Variants in EXT2 observed in about 807,000 individuals in gnomAD.
EXT2 encodes exostosin glycosyltransferase 2.
EXT2 carries 53 observed loss-of-function variants against 81.6 expected under a neutral mutation model. That is an observed-to-expected ratio of 0.65 (90% CI 0.52 to 0.82). The LOEUF is 0.82. Ranked by LOEUF, EXT2 falls within the 40% of genes least tolerant of loss-of-function variation. The pLI is 0.00. For synonymous variants in EXT2, 320 were observed against 340.0 expected (o/e 0.94, Z 0.65); for missense variants, 774 against 910.2 (o/e 0.85, Z 1.93).
At chr11:44,180,855 A>G (rs1955224907) in intron 8 of EXT2, among the ~76,000 whole-genome samples, 1 of 152,212 alleles carries the variant, frequency 6.6e-6, no homozygotes, top group Admixed American at 6.5e-5. Context: ...TAATCCCAGC[A>G]CTGTGGGAGG....
intron 10 of EXT2, among the ~76,000 whole-genome samples, chr11:44,212,441 A>G (rs1431576660): frequency 1.3e-5 from 2 of 152,288 alleles, no homozygotes; most frequent in Middle Eastern, 3.4e-3. Flanking sequence ...ACATTGAGTT[A>G]CCACTATATC....
intron 7 of EXT2, among the ~76,000 whole-genome samples, chr11:44,170,996 A>G (rs1397036083): frequency 6.6e-6 from 1 of 152,224 alleles, no homozygotes; most frequent in Non-Finnish European, 1.5e-5. Context: ...ACCTCATTTT[A>G]TAAGGCCAGC....
chr11:44,111,034 G>C lies in EXT2; in HGVS notation c.626+1751G>C, dbSNP rs555647038. 7.9e-5 allele frequency among the ~76,000 whole-genome samples: 12 copies of C among 152,282 alleles called. No individual in the cohort carries two copies. In the East Asian group the frequency reaches 2.3e-3, roughly 29 times the overall value. On this transcript the variant is annotated intron_variant, in intron 3 of 13. Coordinates refer to ENST00000533608, the MANE Select transcript of EXT2 (RefSeq NM_207122.2). ...GAGGCAAGAACTGTGAATGCAGAAT[G>C]GTTTTACAGGAGCTGCATGTCAGAT... is the stretch of plus-strand genomic sequence containing the variant.
intron 8 of EXT2, among the ~76,000 whole-genome samples, chr11:44,184,480 G>C (rs1344345806): frequency 1.3e-5 from 2 of 152,124 alleles, no homozygotes; most frequent in South Asian, 4.1e-4. Context: ...GGCCGGGCGC[G>C]GTGGCTCACG....
At chr11:44,150,535 T>C (rs886515067) in intron 7 of EXT2, among the ~76,000 whole-genome samples, 1 of 152,198 alleles carries the variant, frequency 6.6e-6, no homozygotes, top group Non-Finnish European at 1.5e-5. Flanking sequence ...CAATATGTGT[T>C]CACTAAGGTG....
At chr11:44,179,357 G>C (rs1955202478) in intron 8 of EXT2, among the ~76,000 whole-genome samples, 1 of 152,222 alleles carries the variant, frequency 6.6e-6, no homozygotes, top group African/African-American at 2.4e-5. Flanking sequence ...CTTAGATGCA[G>C]TCCTGCCTTC....
chr11:44,203,756 A>G (rs1955548425), intron 9 of EXT2, among the ~76,000 whole-genome samples: 1 of 143,362 alleles, frequency 7.0e-6, no homozygotes, highest in South Asian at 2.3e-4. Context: ...CTGGCCAGGC[A>G]CTACTGGAGC....
rs138618517 is a variant in EXT2 at position 44,097,380 on chromosome 11, A to G, written c.-31+1528A>G. Reference sequence around the variant, plus strand: ...AAGAATCCTATCAAGTAAGGCAATGAATTGTGGCTTTTTTTGCTTTTGCTT... The same window carrying G: ...AAGAATCCTATCAAGTAAGGCAATGGATTGTGGCTTTTTTTGCTTTTGCTT... On this transcript the variant is annotated intron_variant, in intron 1 of 13. Coordinates refer to ENST00000533608, the MANE Select transcript of EXT2 (RefSeq NM_207122.2). Among the ~76,000 whole-genome samples the G allele has an allele frequency of 1.9e-4, 29 of 152,284 alleles. No homozygotes were observed. The East Asian group carries it at 5.6e-3, about 29-fold the overall frequency.
chr11:44,230,052 G>A (rs1955880642), intron 10 of EXT2, among the ~76,000 whole-genome samples: 1 of 152,234 alleles, frequency 6.6e-6, no homozygotes, highest in South Asian at 2.1e-4. Flanking sequence ...TGAGGTTGGA[G>A]GGGTGTAGCG....
chr11:44,129,213 T>G (rs1234238358), intron 6 of EXT2, among the ~76,000 whole-genome samples: 1 of 152,222 alleles, frequency 6.6e-6, no homozygotes, highest in Non-Finnish European at 1.5e-5. Context: ...TTTCCTGTAG[T>G]TTATTCTAAC....
chr11:44,187,234 A>G (rs1489184509), intron 8 of EXT2, among the ~76,000 whole-genome samples: 1 of 151,956 alleles, frequency 6.6e-6, no homozygotes, highest in Non-Finnish European at 1.5e-5. Flanking sequence ...GTAGAGTGCA[A>G]TGGCATGATC....
At chr11:44,242,340 G>A (rs1002930651) in intron 13 of EXT2, among the ~76,000 whole-genome samples, 3 of 152,234 alleles carry the variant, frequency 2.0e-5, no homozygotes, top group Middle Eastern at 6.8e-3. Flanking sequence ...GTTGTCCCAC[G>A]CTTGGTCCAC....
At chr11:44,227,319 G>A (rs1955848666) in intron 10 of EXT2, among the ~76,000 whole-genome samples, 1 of 152,230 alleles carries the variant, frequency 6.6e-6, no homozygotes, top group South Asian at 2.1e-4. Context: ...GTTAGATAAT[G>A]CAGCCCATGC....
At chr11:44,177,417 C>A (rs1955173811) in intron 8 of EXT2, among the ~76,000 whole-genome samples, 1 of 152,212 alleles carries the variant, frequency 6.6e-6, no homozygotes, top group Non-Finnish European at 1.5e-5. Context: ...TTCATCCGCA[C>A]ATCTGGGGCT....
rs75857897 is a variant in EXT2, at chr11:44,196,389, G to A, written c.1306-1440G>A. On this transcript the variant is annotated intron_variant, in intron 8 of 13. Transcript: ENST00000533608. ...AAATTCATGCCTCTTATATCTTAAC[G>A]TACTGAGAACTTCTTTAATTTCTTT... 4.8e-3 allele frequency among the ~76,000 whole-genome samples: 727 copies of A among 152,056 alleles called. 5 individuals carry two copies. Among genetic ancestry groups the A allele is most frequent in the East Asian group, 0.031 (158 of 5,180 alleles).
chr11:44,121,963 G>A (rs1435407538), intron 4 of EXT2, among the ~76,000 whole-genome samples: 1 of 152,036 alleles, frequency 6.6e-6, no homozygotes, highest in African/African-American at 2.4e-5. Flanking sequence ...TTCCACGTGC[G>A]CCTTCTTCCC....
At chr11:44,218,850 T>C (rs1249181738) in intron 10 of EXT2, among the ~76,000 whole-genome samples, 1 of 120,138 alleles carries the variant, frequency 8.3e-6, no homozygotes, top group African/African-American at 3.2e-5. Context: ...CAGGCTGGAA[T>C]GCAGTGGCAC....
Position 44,206,792 on chromosome 11 carries a change from G to T in EXT2, c.1496-1G>T, listed in dbSNP as rs968941427. ...AGTAAATACCTTTTCTCTTTTTCCA[G>T]ATTCTCTCTGGCCCAAAATCCGGGT... On this transcript the variant is annotated splice_acceptor_variant, in intron 9 of 13. Coordinates refer to ENST00000533608, the MANE Select transcript of EXT2 (RefSeq NM_207122.2). LOFTEE classifies it high-confidence loss of function. 5.0e-6 allele frequency: 8 copies of T among 1,613,890 alleles called. No homozygotes were observed. Among genetic ancestry groups the T allele is most frequent in the Non-Finnish European group, 5.9e-6 (7 of 1,179,936 alleles).
chr11:44,120,507 C>T (rs960125107), intron 4 of EXT2, among the ~76,000 whole-genome samples: 1 of 152,134 alleles, frequency 6.6e-6, no homozygotes, highest in South Asian at 2.1e-4. Context: ...CTCCCTGCCC[C>T]CGAAAACCAA....
Sources: allele counts gnomAD v4.1 joint callset (sites outside exome capture counted in the v4.1 genomes callset), GRCh38; gene constraint gnomAD v4.1.1; transcripts MANE v1.5; gene names NCBI Gene and HGNC (gene_info 2026-07-23, HGNC 2026-07-21).